Variants in DNAJC15 observed in about 807,000 individuals in gnomAD.
DNAJC15 encodes the protein DnaJ heat shock protein family (Hsp40) member C15.
DNAJC15 carries 27 observed loss-of-function variants against 22.4 expected under a neutral mutation model. That is an observed-to-expected ratio of 1.20 (90% CI 0.89 to 1.66). The LOEUF (loss-of-function observed/expected upper bound fraction) is 1.66. Ranked by LOEUF, DNAJC15 falls within the 40% of genes most tolerant of loss-of-function variation. DNAJC15 has a pLI of 0.00. For missense variants in DNAJC15, 208 were observed against 187.1 expected, an observed-to-expected ratio of 1.11 and a Z score of -0.65; for synonymous variants, 79 against 63.2, an observed-to-expected ratio of 1.25 and a Z score of -1.19.
chr13:43,053,524 A>C (rs1056909371), intron 1 of DNAJC15, among the ~76,000 whole-genome samples: 1 of 152,142 alleles, frequency 6.6e-6, no homozygotes, highest in Non-Finnish European at 1.5e-5. Flanking sequence ...TATTGATTCT[A>C]TCCATCCATG....
chr13:43,024,306 A>ATCT, intron 1 of DNAJC15, among the ~76,000 whole-genome samples: 1 of 150,654 alleles, frequency 6.6e-6, no homozygotes, highest in Non-Finnish European at 1.5e-5. Flanking sequence ...GTCCAACAGA[A>ATCT]GCATATTGTG....
At chr13:43,043,738 T>C (rs1284797156) in intron 1 of DNAJC15, among the ~76,000 whole-genome samples, 1 of 152,254 alleles carries the variant, frequency 6.6e-6, no homozygotes. Flanking sequence ...AATGCTTGCC[T>C]GTGGTTTAAG....
intron 1 of DNAJC15, among the ~76,000 whole-genome samples, chr13:43,053,402 C>T (rs997702019): frequency 2.0e-5 from 3 of 151,852 alleles, no homozygotes; most frequent in Non-Finnish European, 4.4e-5. Flanking sequence ...TTTTTGGTGC[C>T]GTATGAATTT....
chr13:43,090,438 C>G (rs1379054020), intron 5 of DNAJC15, among the ~76,000 whole-genome samples: 4 of 152,140 alleles, frequency 2.6e-5, no homozygotes, highest in African/African-American at 9.7e-5. Flanking sequence ...AGGCTAATGG[C>G]ATCCTGCTTA....
At chr13:43,025,965 A>G (rs993043941) in intron 1 of DNAJC15, among the ~76,000 whole-genome samples, 4 of 152,254 alleles carry the variant, frequency 2.6e-5, no homozygotes, top group Non-Finnish European at 2.9e-5. Context: ...CTTAGACATT[A>G]CTACATTAGA....
At chr13:43,055,048 C>G (rs1034579702) in intron 1 of DNAJC15, among the ~76,000 whole-genome samples, 1 of 134,584 alleles carries the variant, frequency 7.4e-6, no homozygotes, top group African/African-American at 2.9e-5. Flanking sequence ...TTTAGGACAT[C>G]AAGATAGAGA....
At chr13:43,097,793 C>T (rs150761872) in intron 5 of DNAJC15, among the ~76,000 whole-genome samples, 2,074 of 152,078 alleles carry the variant, frequency 0.014, 45 homozygotes, top group African/African-American at 0.044. Context: ...CAAAATTAGC[C>T]GGGCGTGGTG....
intron 5 of DNAJC15, among the ~76,000 whole-genome samples, chr13:43,101,664 T>C (rs1487741696): frequency 6.6e-6 from 1 of 152,210 alleles, no homozygotes; most frequent in Non-Finnish European, 1.5e-5. Context: ...CCCTTTCACT[T>C]ATAAGTGAGA....
At chr13:43,101,357 A>G (rs183744104) in intron 5 of DNAJC15, among the ~76,000 whole-genome samples, 3 of 152,330 alleles carry the variant, frequency 2.0e-5, no homozygotes, top group African/African-American at 4.8e-5. Flanking sequence ...ATCCGGTGCG[A>G]CAGCCTTTGC....
chr13:43,101,730 C>T (rs969464626), intron 5 of DNAJC15, among the ~76,000 whole-genome samples: 6 of 152,268 alleles, frequency 3.9e-5, no homozygotes, highest in African/African-American at 1.4e-4. Context: ...TAATGGTCTC[C>T]AATTCCATCC....
intron 1 of DNAJC15, among the ~76,000 whole-genome samples, chr13:43,043,201 G>A (rs926238149): frequency 2.0e-5 from 3 of 152,140 alleles, no homozygotes; most frequent in Non-Finnish European, 2.9e-5. Flanking sequence ...TCCGTCTCCC[G>A]GGTTCAAGCG....
chr13:43,066,653 T>C (rs1241288712), intron 2 of DNAJC15, among the ~76,000 whole-genome samples: 1 of 151,962 alleles, frequency 6.6e-6, no homozygotes, highest in East Asian at 1.9e-4. Flanking sequence ...TGAGACGGAG[T>C]CTTGCTCTGC....
At chr13:43,054,948 A>G (rs929453872) in intron 1 of DNAJC15, among the ~76,000 whole-genome samples, 13 of 152,116 alleles carry the variant, frequency 8.5e-5, no homozygotes, top group African/African-American at 3.1e-4. Flanking sequence ...TGGAGCACAG[A>G]AGGAGGGCGG....
intron 5 of DNAJC15, among the ~76,000 whole-genome samples, chr13:43,106,125 A>G (rs9533393): frequency 0.54 from 81,988 of 151,950 alleles, 22,233 homozygotes; most frequent in South Asian, 0.65. Flanking sequence ...ATAAAAGGCC[A>G]GAAAAAAGTC....
rs1593314808 is a variant in DNAJC15 at position 43,051,350 on chromosome 13, TG to T, written c.109-14335del. ...GTTACATGGATAAGTTCTTTAGTGG[TG>T]ACATCTGAGATTTTAGTGTACTCAT... On this transcript the variant is annotated intron_variant, in intron 1 of 5. Coordinates refer to ENST00000379221, the MANE Select transcript of DNAJC15 (RefSeq NM_013238.3). Among the ~76,000 whole-genome samples the T allele has an allele frequency of 5.9e-5, 9 of 152,274 alleles. No individual in the cohort carries two copies. The East Asian group carries it at 1.7e-3, about 29-fold the overall frequency.
At chr13:43,028,866 G>A (rs2040392332) in intron 1 of DNAJC15, among the ~76,000 whole-genome samples, 2 of 152,026 alleles carry the variant, frequency 1.3e-5, no homozygotes, top group African/African-American at 4.8e-5. Context: ...GTTTCCTTAG[G>A]AAGTTGCACA....
At chr13:43,107,031 T>C in intron 5 of DNAJC15, 147 bp from the exon 6 acceptor site, 1 of 616,018 alleles carries the variant, frequency 1.6e-6, no homozygotes, top group Non-Finnish European at 2.5e-6. Context: ...ATTTATACTG[T>C]TTTGATTTCT....
intron 2 of DNAJC15, among the ~76,000 whole-genome samples, chr13:43,066,275 G>A (rs373868057): frequency 5.1e-4 from 77 of 151,400 alleles, no homozygotes; most frequent in African/African-American, 1.6e-3. Context: ...TTTTGGAATG[G>A]GCAAGACTGT....
chr13:43,039,716 C>CTCTT (rs2040444383), intron 1 of DNAJC15, among the ~76,000 whole-genome samples: 1 of 152,146 alleles, frequency 6.6e-6, no homozygotes, highest in Admixed American at 6.5e-5. Context: ...ACTATTTAAA[C>CTCTT]TTGAAAGAGA....
Sources: gnomAD v4.1 joint callset for allele counts (sites outside exome capture counted in the v4.1 genomes callset) on GRCh38, gnomAD v4.1.1 for gene constraint, MANE v1.5 for transcripts, NCBI Gene and HGNC (gene_info 2026-07-23, HGNC 2026-07-21) for gene names.